RASAL2: variants seen among roughly 807,000 people sequenced by gnomAD.
RASAL2 encodes ras GTPase-activating protein nGAP.
A neutral mutation model predicts 128.9 loss-of-function variants in RASAL2; 58 were observed. The observed-to-expected ratio is 0.45, with a 90% CI of 0.36 to 0.56. The LOEUF is 0.56. RASAL2 is among the 20% of genes least tolerant of loss of function. The probability of loss-of-function intolerance (pLI) is 0.00; values close to 1 mark genes in which losing one functional copy is unlikely to be tolerated. For missense variants in RASAL2, 1,360 were observed against 1,601.6 expected, an observed-to-expected ratio of 0.85 and a Z score of 2.57; for synonymous variants, 561 against 580.8, an observed-to-expected ratio of 0.97 and a Z score of 0.49.
intron 1 of RASAL2, among the ~76,000 whole-genome samples, chr1:178,161,113 T>TAAA (rs5778978): frequency 6.7e-6 from 1 of 148,858 alleles, no homozygotes; most frequent in African/African-American, 2.5e-5. Context: ...TCAAATACTT[T>TAAA]AAAAAAAAAA....
chr1:178,463,096 C>T (rs1407356259), intron 14 of RASAL2, among the ~76,000 whole-genome samples: 1 of 152,074 alleles, frequency 6.6e-6, no homozygotes, highest in Non-Finnish European at 1.5e-5. Flanking sequence ...AGTTCTATTT[C>T]AGAATGGTAT....
At chr1:178,260,167 A>G (rs1420379272) in intron 1 of RASAL2, among the ~76,000 whole-genome samples, 2 of 150,086 alleles carry the variant, frequency 1.3e-5, no homozygotes, top group East Asian at 2.0e-4. Context: ...CCTGGCCAAG[A>G]TGGTGAAACT....
intron 3 of RASAL2, among the ~76,000 whole-genome samples, chr1:178,385,716 A>T (rs1251980618): frequency 2.0e-5 from 3 of 152,120 alleles, no homozygotes; most frequent in African/African-American, 4.8e-5. Flanking sequence ...GTATTATCTG[A>T]ACATGTCTGC....
intron 1 of RASAL2, among the ~76,000 whole-genome samples, chr1:178,133,079 T>G (rs1252954181): frequency 6.6e-6 from 1 of 152,176 alleles, no homozygotes; most frequent in Admixed American, 6.5e-5. Flanking sequence ...ATTCAGAAAT[T>G]TAAATGATAC....
intron 1 of RASAL2, among the ~76,000 whole-genome samples, chr1:178,267,643 A>G (rs1215746978): frequency 3.0e-5 from 4 of 133,398 alleles, no homozygotes; most frequent in Non-Finnish European, 4.7e-5. Flanking sequence ...TTTTTTTGAG[A>G]GGGAGTCTTG....
At chr1:178,186,408 T>G (rs1034249381) in intron 1 of RASAL2, among the ~76,000 whole-genome samples, 2 of 152,170 alleles carry the variant, frequency 1.3e-5, no homozygotes, top group Non-Finnish European at 2.9e-5. Context: ...TTTTTACTTC[T>G]GCTTACATTA....
chr1:178,425,069 G>A (rs1248683379), intron 5 of RASAL2, among the ~76,000 whole-genome samples: 2 of 152,128 alleles, frequency 1.3e-5, no homozygotes, highest in African/African-American at 2.4e-5. Flanking sequence ...AAATGGTATC[G>A]GTGAAGATAA....
intron 1 of RASAL2, among the ~76,000 whole-genome samples, chr1:178,188,211 A>G (rs1662373126): frequency 6.6e-6 from 1 of 152,108 alleles, no homozygotes; most frequent in African/African-American, 2.4e-5. Flanking sequence ...TTCTCTTTGT[A>G]ACTCCCTTTT....
At chr1:178,418,515 A>G (rs1674924375) in intron 4 of RASAL2, among the ~76,000 whole-genome samples, 1 of 152,180 alleles carries the variant, frequency 6.6e-6, no homozygotes, top group Non-Finnish European at 1.5e-5. Context: ...ATATACTAGG[A>G]GTTTTTACAC....
rs1571893804 is a variant in RASAL2 at position 178,343,059 on chromosome 1, C to T, written c.457+42941C>T. ...TAGTGAGCTAAATAGTAAAGATAGC[C>T]ACTGTCAACAGAATCTGTCATGGCT... is the stretch of plus-strand genomic sequence containing the variant. On this transcript the variant is annotated intron_variant, in intron 3 of 17. Coordinates refer to ENST00000367649, the MANE Select transcript of RASAL2 (RefSeq NM_170692.4). 2.0e-5 allele frequency among the ~76,000 whole-genome samples: 3 copies of T among 152,110 alleles called. No homozygotes were observed. The East Asian group carries it at 5.8e-4, about 29-fold the overall frequency.
At chr1:178,340,054 T>C (rs1669785448) in intron 3 of RASAL2, among the ~76,000 whole-genome samples, 1 of 152,204 alleles carries the variant, frequency 6.6e-6, no homozygotes, top group African/African-American at 2.4e-5. Context: ...TGGCACCCTG[T>C]TCTTGTCTTT....
chr1:178,117,957 G>A (rs891585415), intron 1 of RASAL2, among the ~76,000 whole-genome samples: 5 of 152,022 alleles, frequency 3.3e-5, no homozygotes, highest in East Asian at 1.9e-4. Context: ...CTGAGGTCAC[G>A]AGTTCGAGAC....
At chr1:178,396,470 C>CTTTTTTTT (rs1356532196) in intron 4 of RASAL2, among the ~76,000 whole-genome samples, 1 of 152,110 alleles carries the variant, frequency 6.6e-6, no homozygotes, top group Non-Finnish European at 1.5e-5. Flanking sequence ...AGTATAACCT[C>CTTTTTTTT]TTTTACAGAA....
chr1:178,473,057 A>T lies in RASAL2; in HGVS notation c.3679-18A>T. 1 of 1,613,792 alleles carries T rather than the reference A, an allele frequency of 6.2e-7. No homozygotes were observed. The highest frequency in any genetic ancestry group is 1.1e-5 in the South Asian group (1 of 91,074). ...TCCTGCCTGTAGCCTGAATAAAGCC[A>T]TGATTGGTGTGTTGTAGGAAAAACG... is the stretch of plus-strand genomic sequence containing the variant. On this transcript the variant is annotated intron_variant, in intron 17 of 17. Coordinates refer to ENST00000367649, the MANE Select transcript of RASAL2 (RefSeq NM_170692.4).
At chr1:178,439,374 C>T in intron 5 of RASAL2, 48 bp from the exon 6 acceptor site, 1 of 1,513,732 alleles carries the variant, frequency 6.6e-7, no homozygotes. Context: ...ACCTTCATTT[C>T]CTTGCTGGCC....
intron 1 of RASAL2, among the ~76,000 whole-genome samples, chr1:178,154,447 C>T (rs1661015509): frequency 1.3e-5 from 2 of 152,198 alleles, no homozygotes; most frequent in African/African-American, 4.8e-5. Context: ...CACTGCCTAG[C>T]CTATGATTAA....
rs371891004 is a variant in RASAL2 at position 178,456,743 on chromosome 1, C to T, written c.2234C>T (p.Pro745Leu). 2 of 1,614,132 alleles carry T rather than the reference C, an allele frequency of 1.2e-6. No homozygotes were observed. Among genetic ancestry groups the T allele is most frequent in the Admixed American group, 1.7e-5 (1 of 60,024 alleles). ...CAGGCGACCGTGGCAAAATTGGGGC[C>T]TCTCCCTCGTGTTCTTGCTGATATT... ...LDKATVAKLG[P>L]LPRVLADITK... Residue 745 changes from proline (P) to leucine (L), a missense_variant, in exon 13 of 18, where the codon CCT becomes CTT. Around this residue, in one of 3 missense-constraint regions of RASAL2, gnomAD observed 741 missense variants for 868.6 expected, o/e 0.85. Coordinates refer to ENST00000367649, the MANE Select transcript of RASAL2 (RefSeq NM_170692.4).
chr1:178,159,871 C>T (rs1048631772), intron 1 of RASAL2, among the ~76,000 whole-genome samples: 3 of 152,100 alleles, frequency 2.0e-5, no homozygotes, highest in Non-Finnish European at 4.4e-5. Flanking sequence ...CGACACTTCA[C>T]TCCTGCCTGG....
chr1:178,137,039 T>G (rs1660352753), intron 1 of RASAL2, among the ~76,000 whole-genome samples: 1 of 152,160 alleles, frequency 6.6e-6, no homozygotes, highest in African/African-American at 2.4e-5. Flanking sequence ...TATTTGTATT[T>G]AATTTTTAAT....
Sources: gnomAD v4.1 joint callset for allele counts (sites outside exome capture counted in the v4.1 genomes callset) on GRCh38, gnomAD v4.1.1 for gene constraint, gnomAD v4.1.1 regional missense constraint, MANE v1.5 for transcripts, NCBI Gene and HGNC (gene_info 2026-07-23, HGNC 2026-07-21) for gene names.